Variants in DDX4 observed in about 807,000 individuals in gnomAD.
DDX4 encodes the protein DEAD-box helicase 4, also known as probable ATP-dependent RNA helicase DDX4.
A neutral mutation model predicts 100.0 loss-of-function variants in DDX4; 25 were observed. The ratio of observed to expected loss-of-function variants is 0.25; its 90% CI spans 0.18 to 0.35. The LOEUF is 0.35. Ranked by LOEUF, DDX4 falls within the 10% of genes least tolerant of loss-of-function variation. The pLI is 1.00. For missense variants in DDX4, 635 were observed against 882.4 expected (o/e 0.72, Z 3.55); for synonymous variants, 259 against 275.7 (o/e 0.94, Z 0.60).
intron 14 of DDX4, among the ~76,000 whole-genome samples, chr5:55,787,297 C>T (rs776532657): frequency 1.3e-5 from 2 of 152,096 alleles, no homozygotes; most frequent in Non-Finnish European, 2.9e-5. Flanking sequence ...GAGTGTTAAA[C>T]GTGGTTTTGG....
At chr5:55,740,158 G>GT (rs959730989) in intron 2 of DDX4, among the ~76,000 whole-genome samples, 18 of 152,102 alleles carry the variant, frequency 1.2e-4, no homozygotes, top group Admixed American at 1.1e-3. Context: ...ATTTTCTTCT[G>GT]TTTTTTCCAA....
At chr5:55,744,601 T>C (rs912524771) in intron 2 of DDX4, among the ~76,000 whole-genome samples, 1 of 152,234 alleles carries the variant, frequency 6.6e-6, no homozygotes, top group African/African-American at 2.4e-5. Flanking sequence ...ATTTTCTAAA[T>C]CTGGCAGTCA....
At chr5:55,810,754 T>C (rs1744078732) in intron 18 of DDX4, among the ~76,000 whole-genome samples, 1 of 152,158 alleles carries the variant, frequency 6.6e-6, no homozygotes, top group Admixed American at 6.5e-5. Context: ...CTGAGAAATC[T>C]CAAAAGTTTT....
In DDX4 at chr5:55,790,725, T is replaced by C. The variant is rs769163340; in HGVS notation, c.1302+20T>C. 5 of 1,608,560 alleles carry C rather than the reference T, an allele frequency of 3.1e-6. No homozygotes were observed. The Admixed American group carries it at 6.7e-5, about 22-fold the overall frequency. On this transcript the variant is annotated intron_variant, in intron 16 of 21. Coordinates refer to ENST00000505374, the MANE Select transcript of DDX4 (RefSeq NM_024415.3). ...GAAAAGGTACGCCTTATAGGAATAA[T>C]GAAGTTGTGAGATTGATACTTTTTG...
At chr5:55,762,827 A>G (rs1197851686) in intron 4 of DDX4, among the ~76,000 whole-genome samples, 1 of 152,172 alleles carries the variant, frequency 6.6e-6, no homozygotes, top group Non-Finnish European at 1.5e-5. Flanking sequence ...GATTTTCAAT[A>G]GCAGTGACTT....
intron 3 of DDX4, among the ~76,000 whole-genome samples, chr5:55,748,586 G>A (rs1446910164): frequency 6.6e-6 from 1 of 151,836 alleles, no homozygotes; most frequent in African/African-American, 2.4e-5. Context: ...AATATTGATT[G>A]CCTGCTTACC....
chr5:55,739,150 T>G (rs1758848821), intron 2 of DDX4, 118 bp downstream of exon 2: 1 of 666,438 alleles, frequency 1.5e-6, no homozygotes, highest in Non-Finnish European at 2.6e-6. Flanking sequence ...ATGTGATTGT[T>G]ATTAACTATT....
chr5:55,788,244 G>A (rs1742356648), intron 15 of DDX4, among the ~76,000 whole-genome samples: 1 of 152,132 alleles, frequency 6.6e-6, no homozygotes, highest in African/African-American at 2.4e-5. Flanking sequence ...TGAGGCCCAG[G>A]CAGGCAGACT....
chr5:55,755,784 A>G (rs1408264171), intron 3 of DDX4, among the ~76,000 whole-genome samples: 1 of 152,144 alleles, frequency 6.6e-6, no homozygotes, highest in Admixed American at 6.6e-5. Flanking sequence ...TAAGATACAC[A>G]GCATAAATGT....
intron 3 of DDX4, among the ~76,000 whole-genome samples, chr5:55,751,246 T>A (rs1346595865): frequency 6.6e-6 from 1 of 152,178 alleles, no homozygotes; most frequent in Non-Finnish European, 1.5e-5. Flanking sequence ...TTTGTTGTTG[T>A]TTTTTGAGAC....
In DDX4 at chr5:55,781,163, A is replaced by G. The variant is rs2111978724; in HGVS notation, c.577+17A>G. The G allele has an allele frequency of 6.4e-7, 1 of 1,574,706 alleles. No homozygotes were observed. On this transcript the variant is annotated intron_variant, in intron 9 of 21. Transcript: ENST00000505374. ...GTGGCACAGGTGAGAAATAGAACTT[A>G]TTACTGAATATTAGTTACTGATGTA...
At position 55,760,082 on chromosome 5, in the gene DDX4, C is replaced by G. The variant is rs1482569144; in HGVS notation, c.128-118C>G. 2.9e-6 allele frequency: 3 copies of G among 1,026,958 alleles called. No individual in the cohort carries two copies. The African/African-American group carries it at 5.2e-5, about 18-fold the overall frequency. The allele number at this position is 1,026,958 out of a possible 1,614,324, so 63.6% of individuals were successfully genotyped here. ...TTTTTTTTTACTGGGCTGTTTGTCA[C>G]CTTTTTTACTGCTATATAAAATTTC... On this transcript the variant is annotated intron_variant, in intron 3 of 21. Transcript: ENST00000505374.
intron 10 of DDX4, among the ~76,000 whole-genome samples, chr5:55,784,282 A>AAG (rs1742110072): frequency 6.6e-6 from 1 of 152,074 alleles, no homozygotes; most frequent in Non-Finnish European, 1.5e-5. Context: ...AGGACAAGAG[A>AAG]AGAAGGGTGT....
chr5:55,760,236 T>C lies in DDX4; in HGVS notation c.164T>C (p.Met55Thr), dbSNP rs1740433461. 1.3e-6 allele frequency: 2 copies of C among 1,569,772 alleles called. No individual in the cohort carries two copies. The highest frequency in any genetic ancestry group is 8.6e-7 in the Non-Finnish European group (1 of 1,163,640). Residue 55 changes from methionine to threonine, a missense_variant, in exon 4 of 22, where the codon ATG becomes ACG. Coordinates refer to ENST00000505374, the MANE Select transcript of DDX4 (RefSeq NM_024415.3). ...GGACCTTCTCGAAGAGATCATTTCATGAAAAGTGGATTTGCCTCTGGGCGG... is the reference window on the plus strand; with the variant it reads ...GGACCTTCTCGAAGAGATCATTTCACGAAAAGTGGATTTGCCTCTGGGCGG... ...DDGPSRRDHF[M>T]KSGFASGRNF...
chr5:55,814,632 AG>A (rs1744289316), intron 19 of DDX4, among the ~76,000 whole-genome samples: 2 of 152,144 alleles, frequency 1.3e-5, no homozygotes, highest in Non-Finnish European at 2.9e-5. Context: ...CTGGAATTAC[AG>A]GTGCATGCCA....
In DDX4 at chr5:55,816,574, G is replaced by A; in HGVS notation, c.*34G>A. The A allele has an allele frequency of 1.2e-6, 2 of 1,601,822 alleles. No individual in the cohort carries two copies. Among genetic ancestry groups the A allele is most frequent in the Non-Finnish European group, 1.7e-6 (2 of 1,175,008 alleles). On this transcript the variant is annotated 3_prime_UTR_variant, in exon 22 of 22. Coordinates refer to ENST00000505374, the MANE Select transcript of DDX4 (RefSeq NM_024415.3). ...CATCCTTCAAGTCTGTGGTTTTGAT[G>A]CAGAGAAGAAAATAGTTTTGATTTT... is the stretch of plus-strand genomic sequence containing the variant.
At chr5:55,804,174 T>G (rs914298344) in intron 18 of DDX4, among the ~76,000 whole-genome samples, 2 of 152,070 alleles carry the variant, frequency 1.3e-5, no homozygotes, top group African/African-American at 4.8e-5. Context: ...GGATTGTTTG[T>G]TTTTTTCTTG....
chr5:55,764,593 G>T (rs1740772804), intron 6 of DDX4, among the ~76,000 whole-genome samples: 1 of 152,148 alleles, frequency 6.6e-6, no homozygotes, highest in Admixed American at 6.5e-5. Flanking sequence ...GTCGATTTGG[G>T]TGAGGTCTTA....
At chr5:55,774,072 A>T (rs4865984) in intron 7 of DDX4, among the ~76,000 whole-genome samples, 17,470 of 151,728 alleles carry the variant, frequency 0.12, 1,531 homozygotes, top group East Asian at 0.27. Flanking sequence ...ATGTTCTAAG[A>T]TTTATTTATA....
Sources: allele counts gnomAD v4.1 joint callset (sites outside exome capture counted in the v4.1 genomes callset), GRCh38; gene constraint gnomAD v4.1.1; transcripts MANE v1.5; gene names NCBI Gene and HGNC (gene_info 2026-07-23, HGNC 2026-07-21).